HS1BP3: variants seen among roughly 807,000 people sequenced by gnomAD.
The protein encoded by HS1BP3 is HCLS1 binding protein 3.
Under a neutral mutation model 33.5 loss-of-function variants are expected in HS1BP3, and 32 were observed. The ratio of observed to expected loss-of-function variants is 0.95; its 90% CI spans 0.72 to 1.28. HS1BP3 has a LOEUF of 1.28. Among genes scored for constraint, HS1BP3 ranks in the 50% most tolerant of loss-of-function variants. HS1BP3 has a pLI of 0.00. For synonymous variants in HS1BP3, 187 were observed against 209.2 expected (o/e 0.89, Z 0.92); for missense variants, 486 against 502.3 (o/e 0.97, Z 0.31).
At chr2:20,559,656 G>GTGGA (rs1692937353), downstream of HS1BP3, among the ~76,000 whole-genome samples, 1 of 24,536 alleles carries the variant, frequency 4.1e-5, no homozygotes, top group Non-Finnish European at 3.4e-4. Flanking sequence ...GGATGGATGG[G>GTGGA]TGCATGGATG....
chr2:20,553,938 TGA>T, the HS1BP3 span, among the ~76,000 whole-genome samples: 8 of 152,202 alleles, frequency 5.3e-5, no homozygotes, highest in Non-Finnish European at 1.0e-4. Context: ...GTGGAAGCCA[TGA>T]GATTCCTGGG....
intron 3 of HS1BP3, among the ~76,000 whole-genome samples, chr2:20,639,717 A>G (rs533058107): frequency 7.9e-5 from 12 of 152,348 alleles, no homozygotes; most frequent in South Asian, 6.2e-4. Context: ...AGAGATCCCT[A>G]CTGTACATCC....
chr2:20,569,709 G>A (rs1380383080), intron 5 of HS1BP3, among the ~76,000 whole-genome samples: 1 of 152,216 alleles, frequency 6.6e-6, no homozygotes, highest in Non-Finnish European at 1.5e-5. Context: ...TGATCCCAGT[G>A]AGTCTCCCAA....
chr2:20,583,971 T>C (rs1437449726), intron 5 of HS1BP3, among the ~76,000 whole-genome samples: 2 of 152,210 alleles, frequency 1.3e-5, no homozygotes, highest in African/African-American at 2.4e-5. Flanking sequence ...AATGTCACCA[T>C]ATTTGGTGCC....
At chr2:20,558,722 C>G (rs1692900426), downstream of HS1BP3, among the ~76,000 whole-genome samples, 2 of 152,190 alleles carry the variant, frequency 1.3e-5, no homozygotes, top group African/African-American at 4.8e-5. Context: ...GAAGCAGATG[C>G]CCCTGCAGTG....
intron 4 of HS1BP3, among the ~76,000 whole-genome samples, chr2:20,630,485 T>C (rs1694936193): frequency 6.6e-6 from 1 of 152,144 alleles, no homozygotes; most frequent in South Asian, 2.1e-4. Context: ...CCCAGGCTGA[T>C]CTCAAGCTCC....
At chr2:20,582,824 C>T (rs1315380097) in intron 5 of HS1BP3, among the ~76,000 whole-genome samples, 2 of 152,184 alleles carry the variant, frequency 1.3e-5, no homozygotes, top group South Asian at 2.1e-4. Flanking sequence ...AACAAACGCC[C>T]ACTGTGCTGG....
At chr2:20,589,837 G>C (rs1053768645), downstream of HS1BP3, among the ~76,000 whole-genome samples, 1 of 151,976 alleles carries the variant, frequency 6.6e-6, no homozygotes, top group African/African-American at 2.4e-5. Flanking sequence ...AGCTGGGGGC[G>C]GGATTGTGGG....
chr2:20,648,477 C>G (rs1572368476), intron 1 of HS1BP3, among the ~76,000 whole-genome samples: 1 of 152,342 alleles, frequency 6.6e-6, no homozygotes, highest in Admixed American at 6.5e-5. Context: ...CAGCCACTCC[C>G]CTCCTTCAAG....
Position 20,618,704 on chromosome 2 carries a change from C to T in HS1BP3, c.*283G>A. 8.1e-7 allele frequency: 1 copy of T among 1,233,592 alleles called. No individual in the cohort carries two copies. Among genetic ancestry groups the T allele is most frequent in the South Asian group, 2.8e-5 (1 of 36,124 alleles). The allele number at this position is 1,233,592 out of a possible 1,614,324, so 76.4% of individuals were successfully genotyped here. On this transcript the variant is annotated 3_prime_UTR_variant, in exon 7 of 7. Transcript: ENST00000304031. ...TCCTTGGGGCTGGGCTTCTGGTTGG[C>T]AAGGCATCCCCACACCCTCCCTCCC...
At chr2:20,595,234 G>T (rs565549683) in intron 3 of HS1BP3, among the ~76,000 whole-genome samples, 15 of 152,226 alleles carry the variant, frequency 9.9e-5, no homozygotes, top group African/African-American at 2.6e-4. Context: ...CCACAGAAAC[G>T]CCATGGCCCG....
downstream of HS1BP3, among the ~76,000 whole-genome samples, chr2:20,557,650 A>G (rs1692872054): frequency 6.6e-6 from 1 of 152,178 alleles, no homozygotes; most frequent in African/African-American, 2.4e-5. Flanking sequence ...GGTCCCTCTG[A>G]GAAAGCTGGA....
intron 5 of HS1BP3, among the ~76,000 whole-genome samples, chr2:20,576,080 C>T (rs1301550854): frequency 1.3e-5 from 2 of 152,114 alleles, no homozygotes; most frequent in Admixed American, 6.5e-5. Context: ...CCTCAATCTC[C>T]CGATCCTCCT....
At chr2:20,579,784 T>C (rs1693489121) in intron 5 of HS1BP3, among the ~76,000 whole-genome samples, 1 of 152,176 alleles carries the variant, frequency 6.6e-6, no homozygotes, top group South Asian at 2.1e-4. Context: ...GGTTTAAGTC[T>C]CCAAGACTCA....
chr2:20,647,616 G>A (rs1026231099), intron 1 of HS1BP3, among the ~76,000 whole-genome samples: 89 of 152,122 alleles, frequency 5.9e-4, no homozygotes, highest in Non-Finnish European at 7.8e-4. Context: ...GCCCTCCGAC[G>A]AGTCTGATGC....
At chr2:20,643,918 G>A (rs1695436319) in intron 2 of HS1BP3, among the ~76,000 whole-genome samples, 1 of 152,150 alleles carries the variant, frequency 6.6e-6, no homozygotes, top group Admixed American at 6.5e-5. Context: ...GGGGAACAGA[G>A]GGAGATCCTA....
intron 2 of HS1BP3, among the ~76,000 whole-genome samples, chr2:20,641,637 A>G (rs141819570): frequency 3.5e-4 from 53 of 152,280 alleles, no homozygotes; most frequent in African/African-American, 1.1e-3. Context: ...GGGCCAGCCA[A>G]TGCAAGCAGT....
chr2:20,586,883 A>G (rs1693695434), intron 5 of HS1BP3, among the ~76,000 whole-genome samples: 1 of 152,194 alleles, frequency 6.6e-6, no homozygotes, highest in African/African-American at 2.4e-5. Context: ...TTGAAATACC[A>G]TTATTTCTCT....
At chr2:20,612,715 G>A (rs755932944) in intron 2 of HS1BP3, among the ~76,000 whole-genome samples, 6 of 152,072 alleles carry the variant, frequency 3.9e-5, no homozygotes, top group Admixed American at 2.0e-4. Context: ...TTCACCAGCC[G>A]AGAGGCTTTT....
Sources: gnomAD v4.1 joint callset for allele counts (sites outside exome capture counted in the v4.1 genomes callset) on GRCh38, gnomAD v4.1.1 for gene constraint, MANE v1.5 for transcripts, NCBI Gene and HGNC (gene_info 2026-07-23, HGNC 2026-07-21) for gene names.